Variants in PHB2 observed in about 807,000 individuals in gnomAD.
The protein encoded by PHB2 is prohibitin-2.
In PHB2, 22 loss-of-function variants were observed where a neutral mutation model predicts 46.4. The ratio of observed to expected loss-of-function variants is 0.47; its 90% CI spans 0.34 to 0.68. PHB2 has a LOEUF of 0.68. Ranked by LOEUF, PHB2 falls within the 30% of genes least tolerant of loss-of-function variation. The pLI is 0.01. For synonymous variants in PHB2, 156 were observed against 150.5 expected, an observed-to-expected ratio of 1.04 and a Z score of -0.27; for missense variants, 305 against 382.8, an observed-to-expected ratio of 0.80 and a Z score of 1.70.
At chr12:6,968,295 G>A in intron 4 of PHB2, 116 bp downstream of exon 4, 1 of 786,660 alleles carries the variant, frequency 1.3e-6, no homozygotes, top group Non-Finnish European at 2.1e-6. Flanking sequence ...CAGCTTTTAG[G>A]TGGAAATGGC....
Position 6,967,335 on chromosome 12 carries a change from G to C in PHB2, c.712-87C>G, listed in dbSNP as rs782658258. The C allele has an allele frequency of 1.9e-6, 3 of 1,611,492 alleles. No individual in the cohort carries two copies. Among genetic ancestry groups the C allele is most frequent in the African/African-American group, 2.7e-5 (2 of 74,878 alleles). On this transcript the variant is annotated intron_variant, in intron 6 of 9. Coordinates refer to ENST00000535923, the MANE Select transcript of PHB2 (RefSeq NM_001144831.2). The surrounding 1 kb of genome is among the most constrained non-coding windows in gnomAD (Gnocchi z 4.9). ...CTCCCTTGCTCCAGTCCTCCTCTGG[G>C]CTGTCAGATCCAAGGTTGCGCTCAG...
upstream of PHB2, chr12:6,970,741 T>A (rs117069316): frequency 1.0e-3 from 943 of 924,852 alleles, 9 homozygotes; most frequent in East Asian, 0.023. Flanking sequence ...CGCACAGGAA[T>A]CGCGCATACG....
At position 6,970,575 on chromosome 12, in the gene PHB2, C is replaced by A; in HGVS notation, c.-32G>T. On this transcript the variant is annotated 5_prime_UTR_variant, in exon 1 of 10. Coordinates refer to ENST00000535923, the MANE Select transcript of PHB2 (RefSeq NM_001144831.2). ...TCTTGAGGCCGGCGGCACTGGAGGT[C>A]AGAAGGGGGTGCCGGCCCGCCTCTA... 6.4e-7 allele frequency: 1 copy of A among 1,556,200 alleles called. No individual in the cohort carries two copies. The highest frequency in any genetic ancestry group is 1.2e-5 in the South Asian group (1 of 81,476).
chr12:6,968,308 T>C, intron 4 of PHB2, 103 bp downstream of exon 4: 4 of 870,342 alleles, frequency 4.6e-6, no homozygotes, highest in Non-Finnish European at 7.2e-6. Context: ...GAAATGGCAC[T>C]AGGGTGACAA....
In PHB2 at chr12:6,967,495, T is replaced by C. The variant is rs782348437; in HGVS notation, c.711+181A>G. 12 of 931,250 alleles carry C rather than the reference T, an allele frequency of 1.3e-5. No individual in the cohort carries two copies. The Admixed American group carries it at 1.7e-4, about 13-fold the overall frequency. 57.7% of individuals were successfully genotyped at this position (931,250 alleles called of 1,614,324 possible). A position where few individuals can be genotyped will look rare whatever the true frequency, so the allele number is the denominator to read the frequency against. On this transcript the variant is annotated intron_variant, in intron 6 of 9. Transcript: ENST00000535923. The surrounding 1 kb of genome is among the most constrained non-coding windows in gnomAD (Gnocchi z 4.9). ...GATCTGGCCTTACAGTGGGGAGTCA[T>C]GGCTCAGGTACTACCACTAAGATTT...
chr12:6,966,332 T>C, intron 8 of PHB2, 92 bp downstream of exon 8: 3 of 816,374 alleles, frequency 3.7e-6, no homozygotes, highest in South Asian at 2.7e-5. Context: ...CTCTGAGCCA[T>C]ATGAATAGCT....
At chr12:6,965,820 T>C in intron 9 of PHB2, 91 bp downstream of exon 9, 1 of 1,565,268 alleles carries the variant, frequency 6.4e-7, no homozygotes. Context: ...ATTGAGGGTT[T>C]GTCTTCGGGG....
At chr12:6,968,644 A>T (rs1555151342) in intron 3 of PHB2, 49 bp from the exon 4 acceptor site, 2 of 1,472,914 alleles carry the variant, frequency 1.4e-6, no homozygotes, top group Non-Finnish European at 1.9e-6. Flanking sequence ...ACCCTTTCCC[A>T]AGCATTTTCT....
intron 3 of PHB2, among the ~76,000 whole-genome samples, chr12:6,969,284 T>A (rs1435450470): frequency 1.3e-5 from 2 of 152,220 alleles, no homozygotes; most frequent in Non-Finnish European, 2.9e-5. Context: ...ATACTCTTAT[T>A]GAATACACGT....
intron 8 of PHB2, among the ~76,000 whole-genome samples, chr12:6,966,174 T>A (rs1946208713): frequency 6.6e-6 from 1 of 152,240 alleles, no homozygotes; most frequent in Non-Finnish European, 1.5e-5. Flanking sequence ...AAACTGAGTA[T>A]CATCTTTCAT....
chr12:6,967,585 T>G lies in PHB2; in HGVS notation c.711+91A>C, dbSNP rs781787567. ...AGGGCCAGAGAGCACGGAGTCGCAT[T>G]CGCCTTAGTCTCATCAGCCTGCCCA... On this transcript the variant is annotated intron_variant, in intron 6 of 9. Coordinates refer to ENST00000535923, the MANE Select transcript of PHB2 (RefSeq NM_001144831.2). This position sits in a 1 kb window ranked among gnomAD's most constrained non-coding sequence, Gnocchi z 4.9. The G allele has an allele frequency of 1.8e-6, 2 of 1,089,096 alleles. No individual in the cohort carries two copies. Among genetic ancestry groups the G allele is most frequent in the Non-Finnish European group, 2.8e-6 (2 of 706,758 alleles). 67.5% of individuals were successfully genotyped at this position (1,089,096 alleles called of 1,614,324 possible). A position where few individuals can be genotyped will look rare whatever the true frequency, so the allele number is the denominator to read the frequency against.
At chr12:6,969,623 G>C (rs1555151611) in intron 2 of PHB2, 46 bp from the exon 3 acceptor site, 1 of 1,147,970 alleles carries the variant, frequency 8.7e-7, no homozygotes, top group Admixed American at 1.8e-5. Context: ...GTTTCGGCCG[G>C]GCGCGGTGGC....
In PHB2 at chr12:6,970,296, T is replaced by G. The variant is rs1464844302; in HGVS notation, c.128-16A>C. The G allele has an allele frequency of 1.6e-5, 26 of 1,611,202 alleles. No homozygotes were observed. Among genetic ancestry groups the G allele is most frequent in the Non-Finnish European group, 2.2e-5 (26 of 1,178,550 alleles). ...CCGCCTTCCACTGTGGGGAGATGGGTGGTGATCAGGCCAGGCCGCTGCTCA... is the reference window on the plus strand; with the variant it reads ...CCGCCTTCCACTGTGGGGAGATGGGGGGTGATCAGGCCAGGCCGCTGCTCA... On this transcript the variant is annotated splice_polypyrimidine_tract_variant and intron_variant, in intron 1 of 9. Transcript: ENST00000535923.
At chr12:6,970,154 A>G in intron 2 of PHB2, 42 bp downstream of exon 2, 2 of 1,458,290 alleles carry the variant, frequency 1.4e-6, no homozygotes, top group Non-Finnish European at 9.6e-7. Context: ...GGTCGGCGTC[A>G]AGGGTGAAAG....
chr12:6,968,909 G>A (rs143518183), intron 3 of PHB2, among the ~76,000 whole-genome samples: 2 of 152,334 alleles, frequency 1.3e-5, no homozygotes, highest in East Asian at 3.9e-4. Context: ...GTAAGGACTT[G>A]GGGGACAAGA....
At position 6,967,807 on chromosome 12, in the gene PHB2, C is replaced by A; in HGVS notation, c.608-28G>T. ...GTGGTGGGAGAGAGTCAGGGAGACC[C>A]TGTCCTGGGTCAGGAGCCCCACCCA... On this transcript the variant is annotated intron_variant, in intron 5 of 9. Transcript: ENST00000535923. The surrounding 1 kb of genome is among the most constrained non-coding windows in gnomAD (Gnocchi z 4.9). The A allele has an allele frequency of 6.2e-7, 1 of 1,610,872 alleles. No homozygotes were observed. The highest frequency in any genetic ancestry group is 8.5e-7 in the Non-Finnish European group (1 of 1,177,670).
At position 6,968,473 on chromosome 12, in the gene PHB2, C is replaced by T. The variant is rs782350235; in HGVS notation, c.415G>A (p.Glu139Lys). 1.9e-6 allele frequency: 3 copies of T among 1,613,112 alleles called. No individual in the cohort carries two copies. Among genetic ancestry groups the T allele is most frequent in the Non-Finnish European group, 2.5e-6 (3 of 1,179,568 alleles). Residue 139 changes from glutamate (E) to lysine (K), a missense_variant, in exon 4 of 10, where the codon GAG becomes AAG. Transcript: ENST00000535923. ...TTGGCCACCACACTCTTGAGCACCTCGTTGACAATGGACGGCAACACTCGT... is the reference window on the plus strand; with the variant it reads ...TTGGCCACCACACTCTTGAGCACCTTGTTGACAATGGACGGCAACACTCGT... ...EERVLPSIVN[E>K]VLKSVVAKFN...
Position 6,970,594 on chromosome 12 carries a change from G to A in PHB2, c.-51C>T, listed in dbSNP as rs2138312297. On this transcript the variant is annotated 5_prime_UTR_variant, in exon 1 of 10. Coordinates refer to ENST00000535923, the MANE Select transcript of PHB2 (RefSeq NM_001144831.2). ...GGAGGTCAGAAGGGGGTGCCGGCCC[G>A]CCTCTACCCCGCTCCGGCTTAGGTA... is the stretch of plus-strand genomic sequence containing the variant. The A allele has an allele frequency of 6.5e-7, 1 of 1,549,536 alleles. No individual in the cohort carries two copies. The highest frequency in any genetic ancestry group is 8.7e-7 in the Non-Finnish European group (1 of 1,152,684).
At chr12:6,968,290 T>C in intron 4 of PHB2, 121 bp downstream of exon 4, 1 of 771,122 alleles carries the variant, frequency 1.3e-6, no homozygotes, top group Non-Finnish European at 2.1e-6. Context: ...TAGCACAGCT[T>C]TTAGGTGGAA....
Sources: gnomAD v4.1 joint callset for allele counts (sites outside exome capture counted in the v4.1 genomes callset) on GRCh38, gnomAD v4.1.1 for gene constraint, Gnocchi (gnomAD v3.1) non-coding constraint, MANE v1.5 for transcripts, NCBI Gene and HGNC (gene_info 2026-07-23, HGNC 2026-07-21) for gene names.